Variants in TNR observed in about 807,000 individuals in gnomAD.
TNR encodes tenascin R, also known as tenascin-R.
In TNR, 45 loss-of-function variants were observed where a neutral mutation model predicts 150.4. The ratio of observed to expected loss-of-function variants is 0.30; its 90% confidence interval spans 0.24 to 0.38. The LOEUF (loss-of-function observed/expected upper bound fraction) is 0.38. Ranked by LOEUF, TNR falls within the 10% of genes least tolerant of loss-of-function variation. The pLI is 1.00. For synonymous variants in TNR, 687 were observed against 678.4 expected (o/e 1.01, Z -0.20); for missense variants, 1,544 against 1,759.1 (o/e 0.88, Z 2.19).
chr1:175,555,850 G>A (rs1416763475), intron 1 of TNR, among the ~76,000 whole-genome samples: 1 of 152,216 alleles, frequency 6.6e-6, no homozygotes, highest in Non-Finnish European at 1.5e-5. Context: ...TTGGCTAGAA[G>A]GCTCCTTCCA....
intron 1 of TNR, among the ~76,000 whole-genome samples, chr1:175,649,973 T>A (rs1664907528): frequency 6.6e-6 from 1 of 152,158 alleles, no homozygotes; most frequent in Non-Finnish European, 1.5e-5. Flanking sequence ...CATGTTAACA[T>A]GTGTTAAAAC....
intron 1 of TNR, among the ~76,000 whole-genome samples, chr1:175,617,829 T>A (rs1663831718): frequency 6.6e-6 from 1 of 152,236 alleles, no homozygotes; most frequent in Admixed American, 6.5e-5. Context: ...TTCACACAAA[T>A]ACGATCTTTT....
chr1:175,689,332 T>C (rs1203992713), intron 1 of TNR, among the ~76,000 whole-genome samples: 2 of 152,178 alleles, frequency 1.3e-5, no homozygotes, highest in Non-Finnish European at 2.9e-5. Flanking sequence ...TCCACAGGGA[T>C]ACCAGGTAGC....
intron 2 of TNR, among the ~76,000 whole-genome samples, chr1:175,443,517 G>A (rs535219882): frequency 6.6e-6 from 1 of 152,262 alleles, no homozygotes; most frequent in South Asian, 2.1e-4. Context: ...CTGTGGTTGG[G>A]ACTGTAGGGG....
chr1:175,359,820 A>G, intron 14 of TNR, 89 bp from the exon 15 acceptor site: 1 of 1,487,960 alleles, frequency 6.7e-7, no homozygotes, highest in South Asian at 1.3e-5. Flanking sequence ...CTCATGGTGC[A>G]AGACTGCTGC....
intron 1 of TNR, among the ~76,000 whole-genome samples, chr1:175,699,459 G>C (rs540880846): frequency 6.6e-6 from 1 of 152,292 alleles, no homozygotes; most frequent in East Asian, 1.9e-4. Flanking sequence ...TAGGTGCAGA[G>C]TTGGCTTTAA....
chr1:175,366,297 CCTCTGAATGATGGCCAGG>C (rs1244855245), intron 10 of TNR, among the ~76,000 whole-genome samples, 159 bp from the exon 11 acceptor site: 2 of 152,200 alleles, frequency 1.3e-5, no homozygotes, highest in Non-Finnish European at 2.9e-5. Context: ...AAGTACCTTC[CCTCTGAATGATGGCCAGG>C]GGCTTGGCAA....
chr1:175,403,486 G>A lies in TNR; in HGVS notation c.630C>T (p.Ser210=). The A allele has an allele frequency of 2.5e-6, 4 of 1,614,212 alleles. No homozygotes were observed. The highest frequency in any genetic ancestry group is 3.4e-6 in the Non-Finnish European group (4 of 1,180,042). ...ACTGGCCATCCACACACACCCCCCG[G>A]CTGGAGCAACCCAGCGGGCAGTAGG... The part of the protein sequence containing the change: ...SEPYCPLGCS[S]RGVCVDGQCI... Residue 210 remains serine (S), a synonymous_variant, in exon 4 of 23, where the codon AGC becomes AGT. Coordinates refer to ENST00000367674, the MANE Select transcript of TNR (RefSeq NM_003285.3).
chr1:175,734,801 C>T (rs1667728149), intron 1 of TNR, among the ~76,000 whole-genome samples: 1 of 152,210 alleles, frequency 6.6e-6, no homozygotes, highest in African/African-American at 2.4e-5. Flanking sequence ...GCTCAAAAGA[C>T]CTCTGTCCCT....
chr1:175,560,573 G>A (rs1661383282), intron 1 of TNR, among the ~76,000 whole-genome samples: 1 of 152,236 alleles, frequency 6.6e-6, no homozygotes, highest in African/African-American at 2.4e-5. Flanking sequence ...TGTTCTCAGT[G>A]AACCCATGCT....
rs185910957 is a variant in TNR at position 175,734,545 on chromosome 1, G to T, written c.-165+8681C>A. Among the ~76,000 whole-genome samples, 457 of 152,336 alleles carry T rather than the reference G, an allele frequency of 3.0e-3. 3 individuals are homozygous for T. Among genetic ancestry groups the T allele is most frequent in the Non-Finnish European group, 4.9e-3 (335 of 68,034 alleles). On this transcript the variant is annotated intron_variant, in intron 1 of 22. Coordinates refer to ENST00000367674, the MANE Select transcript of TNR (RefSeq NM_003285.3). ...GGTCAGCGGAGACACTTAGAGGGTG[G>T]AGCTGGTCAGGTGGGCTTTGCAGTC...
chr1:175,705,071 G>A (rs944711616), intron 1 of TNR, among the ~76,000 whole-genome samples: 3 of 152,134 alleles, frequency 2.0e-5, no homozygotes, highest in East Asian at 1.9e-4. Context: ...GGTCTCAAAC[G>A]TGAGCGCCTG....
chr1:175,654,423 A>G (rs1665107586), intron 1 of TNR, among the ~76,000 whole-genome samples: 1 of 152,196 alleles, frequency 6.6e-6, no homozygotes, highest in African/African-American at 2.4e-5. Context: ...CTAGGTCAAG[A>G]TGTTGCCCTT....
intron 2 of TNR, among the ~76,000 whole-genome samples, chr1:175,506,649 C>G (rs929031071): frequency 6.6e-6 from 1 of 152,224 alleles, no homozygotes; most frequent in Non-Finnish European, 1.5e-5. Flanking sequence ...GGAAACGCAT[C>G]CTGCCAACAC....
chr1:175,337,543 G>A lies in TNR; in HGVS notation c.3519C>T (p.Asp1173=), dbSNP rs373290989. ...TTGTACTTACAATCCAGCCGCCCCC[G>A]TCGGTGGTCATATCACAGTACACTT... is the stretch of plus-strand genomic sequence containing the variant. ...KLQVYCDMTT[D]GGGWIVFQRR... The change falls in exon 19 of 23, where the codon GAC becomes GAT. Residue 1173 remains aspartate (D), a synonymous_variant. Transcript: ENST00000367674. 34 of 1,613,242 alleles carry A rather than the reference G, an allele frequency of 2.1e-5. No homozygotes were observed. Among genetic ancestry groups the A allele is most frequent in the South Asian group, 1.6e-4 (15 of 91,048 alleles).
intron 2 of TNR, among the ~76,000 whole-genome samples, chr1:175,472,801 A>C (rs1657359725): frequency 6.6e-6 from 1 of 152,150 alleles, no homozygotes. Flanking sequence ...TTGATTCTCT[A>C]ATCTGTAACA....
intron 1 of TNR, among the ~76,000 whole-genome samples, chr1:175,532,816 G>A (rs903467400): frequency 1.3e-5 from 2 of 152,082 alleles, no homozygotes; most frequent in African/African-American, 4.8e-5. Flanking sequence ...TCCCCATGTG[G>A]GCTTCTACAA....
At chr1:175,450,296 T>TCCTCTCCCCTCAGAA (rs1259063735) in intron 2 of TNR, among the ~76,000 whole-genome samples, 1 of 152,192 alleles carries the variant, frequency 6.6e-6, no homozygotes, top group African/African-American at 2.4e-5. Flanking sequence ...CTCTCTCTGT[T>TCCTCTCCCCTCAGAA]CCTCTCCCCT....
chr1:175,449,895 C>T (rs939518593), intron 2 of TNR, among the ~76,000 whole-genome samples: 4 of 152,176 alleles, frequency 2.6e-5, no homozygotes, highest in African/African-American at 7.2e-5. Flanking sequence ...TTTTTCTGCC[C>T]GATCACAGAT....
Sources: gnomAD v4.1 joint callset for allele counts (sites outside exome capture counted in the v4.1 genomes callset) on GRCh38, gnomAD v4.1.1 for gene constraint, MANE v1.5 for transcripts, NCBI Gene and HGNC (gene_info 2026-07-23, HGNC 2026-07-21) for gene names.